B3GLCT: variants seen among roughly 807,000 people sequenced by gnomAD.
B3GLCT encodes beta 3-glucosyltransferase.
Under a neutral mutation model 63.4 loss-of-function variants are expected in B3GLCT, and 65 were observed. The ratio of observed to expected loss-of-function variants is 1.03; its 90% CI spans 0.84 to 1.26. The LOEUF is 1.26. B3GLCT is among the 50% of genes most tolerant of loss of function. B3GLCT has a pLI of 0.00. For missense variants in B3GLCT, 577 were observed against 604.8 expected (o/e 0.95, Z 0.48); for synonymous variants, 233 against 219.2 (o/e 1.06, Z -0.55).
At chr13:31,259,025 A>T (rs748809429) in intron 6 of B3GLCT, among the ~76,000 whole-genome samples, 4 of 151,548 alleles carry the variant, frequency 2.6e-5, no homozygotes, top group Non-Finnish European at 4.4e-5. Flanking sequence ...CCAGACTGTT[A>T]GTCTTCTCTG....
In B3GLCT at chr13:31,265,458, A is replaced by G. The variant is rs537510582; in HGVS notation, c.597-3756A>G. ...CGGCCCACATTGTAGGTAGCGTAAC[A>G]ACTTACAGTTACTTAGGTGTTTCTT... On this transcript the variant is annotated intron_variant, in intron 7 of 14. Transcript: ENST00000343307. Among the ~76,000 whole-genome samples the G allele has an allele frequency of 5.9e-5, 9 of 152,324 alleles. No individual in the cohort carries two copies. In the South Asian group the frequency reaches 1.4e-3, roughly 25 times the overall value.
chr13:31,226,791 T>C (rs1870125523), intron 3 of B3GLCT, among the ~76,000 whole-genome samples: 2 of 152,120 alleles, frequency 1.3e-5, no homozygotes, highest in Non-Finnish European at 2.9e-5. Context: ...AGGAAATAAT[T>C]TGAACATATA....
In B3GLCT at chr13:31,247,885, T is replaced by C. The variant is rs546325942; in HGVS notation, c.378T>C (p.Ser126=). 34 of 1,608,824 alleles carry C rather than the reference T, an allele frequency of 2.1e-5. No individual in the cohort carries two copies. In the East Asian group the frequency reaches 7.4e-4, roughly 35 times the overall value. ...HFSVTYSRNS[S]WIFFCEEETR... ...CTGTAACATATAGCAGAAATTCATCTTGGATTTTCTTCTGTGAAGAAGAGA... is the reference window on the plus strand; with the variant it reads ...CTGTAACATATAGCAGAAATTCATCCTGGATTTTCTTCTGTGAAGAAGAGA... Residue 126 remains serine, a synonymous_variant, in exon 6 of 15, where the codon TCT becomes TCC. Transcript: ENST00000343307.
intron 12 of B3GLCT, among the ~76,000 whole-genome samples, chr13:31,287,784 A>T (rs1000508159): frequency 5.9e-5 from 9 of 152,238 alleles, no homozygotes; most frequent in African/African-American, 2.2e-4. Flanking sequence ...GTTCAAAAAG[A>T]CATGGAATGT....
chr13:31,228,107 G>T (rs1322543422), intron 3 of B3GLCT, among the ~76,000 whole-genome samples: 1 of 152,204 alleles, frequency 6.6e-6, no homozygotes, highest in Non-Finnish European at 1.5e-5. Context: ...AAAGCTGGCT[G>T]CCTTCAGGTG....
At chr13:31,299,088 TCACCCGAG>T (rs1874098817) in intron 12 of B3GLCT, among the ~76,000 whole-genome samples, 1 of 152,152 alleles carries the variant, frequency 6.6e-6, no homozygotes, top group Admixed American at 6.5e-5. Flanking sequence ...ATTTGCATAG[TCACCCGAG>T]CATCCTCTTC....
intron 6 of B3GLCT, among the ~76,000 whole-genome samples, chr13:31,253,539 T>C (rs1365617007): frequency 1.4e-5 from 2 of 138,246 alleles, no homozygotes; most frequent in Middle Eastern, 4.2e-3. Flanking sequence ...CTTGCAGCAG[T>C]TGTCTGAGAT....
intron 1 of B3GLCT, among the ~76,000 whole-genome samples, chr13:31,209,489 G>A (rs776422533): frequency 1.8e-4 from 27 of 152,182 alleles, no homozygotes; most frequent in Non-Finnish European, 2.9e-4. Flanking sequence ...AAGCCCCAAA[G>A]GCTTCCTCCC....
intron 13 of B3GLCT, among the ~76,000 whole-genome samples, chr13:31,318,060 T>A (rs1326552897): frequency 6.6e-6 from 1 of 152,066 alleles, no homozygotes; most frequent in Non-Finnish European, 1.5e-5. Flanking sequence ...TAAATCGCCT[T>A]TGGAGAAAGT....
intron 3 of B3GLCT, among the ~76,000 whole-genome samples, chr13:31,226,433 A>G (rs1036126332): frequency 6.6e-6 from 1 of 152,230 alleles, no homozygotes; most frequent in Admixed American, 6.5e-5. Context: ...CTCACAGGAC[A>G]TGACCCAGGT....
At chr13:31,240,468 T>G (rs890590349) in intron 4 of B3GLCT, among the ~76,000 whole-genome samples, 6 of 39,862 alleles carry the variant, frequency 1.5e-4, no homozygotes, top group African/African-American at 3.1e-4. Flanking sequence ...GCCTCTTTAG[T>G]TTTTTTTTTC....
At chr13:31,316,407 T>TTTTTTATATA (rs1239451482) in intron 12 of B3GLCT, among the ~76,000 whole-genome samples, 3 of 40,870 alleles carry the variant, frequency 7.3e-5, no homozygotes, top group Non-Finnish European at 1.6e-4. Context: ...TTTGGAGGTT[T>TTTTTTATATA]TATATATATA....
chr13:31,275,349 G>T (rs1467906074), intron 9 of B3GLCT, among the ~76,000 whole-genome samples: 1 of 152,184 alleles, frequency 6.6e-6, no homozygotes, highest in African/African-American at 2.4e-5. Context: ...GGAAGCAAGG[G>T]CTCCCCTTTA....
At chr13:31,204,623 A>C (rs1444514296) in intron 1 of B3GLCT, among the ~76,000 whole-genome samples, 1 of 152,140 alleles carries the variant, frequency 6.6e-6, no homozygotes, top group African/African-American at 2.4e-5. Context: ...GGTCATCCTT[A>C]GAGCAGAGGG....
intron 11 of B3GLCT, among the ~76,000 whole-genome samples, chr13:31,285,666 CTTATT>C (rs990095086): frequency 2.2e-5 from 3 of 138,956 alleles, no homozygotes; most frequent in Non-Finnish European, 4.6e-5. Flanking sequence ...AGTAATTTAT[CTTATT>C]TTATGTTAGT....
At chr13:31,247,342 G>A (rs937699773) in intron 5 of B3GLCT, among the ~76,000 whole-genome samples, 1 of 152,070 alleles carries the variant, frequency 6.6e-6, no homozygotes, top group African/African-American at 2.4e-5. Flanking sequence ...ATGCAGTGGT[G>A]ACTTGGCTCC....
chr13:31,288,872 A>G (rs79778440), intron 12 of B3GLCT, among the ~76,000 whole-genome samples: 2,948 of 152,224 alleles, frequency 0.019, 47 homozygotes, highest in African/African-American at 0.027. Context: ...GACCACAACA[A>G]TTTTCTGGGA....
At chr13:31,292,776 A>AT (rs1300747089) in intron 12 of B3GLCT, among the ~76,000 whole-genome samples, 3 of 150,242 alleles carry the variant, frequency 2.0e-5, no homozygotes, top group South Asian at 2.1e-4. Context: ...GGATTCATTG[A>AT]TTTTTTAGAG....
At chr13:31,266,743 A>T (rs1228632096) in intron 7 of B3GLCT, among the ~76,000 whole-genome samples, 1 of 152,134 alleles carries the variant, frequency 6.6e-6, no homozygotes, top group African/African-American at 2.4e-5. Context: ...TTGTCCTCTC[A>T]TCAGTCCTTC....
Sources: gnomAD v4.1 joint callset for allele counts (sites outside exome capture counted in the v4.1 genomes callset) on GRCh38, gnomAD v4.1.1 for gene constraint, MANE v1.5 for transcripts, NCBI Gene and HGNC (gene_info 2026-07-23, HGNC 2026-07-21) for gene names.